ADAM2: variants seen among roughly 807,000 people sequenced by gnomAD.
The protein encoded by ADAM2 is ADAM metallopeptidase domain 2, also known as disintegrin and metalloproteinase domain-containing protein 2.
ADAM2 carries 101 observed loss-of-function variants against 99.3 expected under a neutral mutation model. The ratio of observed to expected loss-of-function variants is 1.02; its 90% confidence interval spans 0.87 to 1.20. The LOEUF is 1.20. Ranked by LOEUF, ADAM2 falls within the 50% of genes most tolerant of loss-of-function variation. The probability of loss-of-function intolerance (pLI) is 0.00; values close to 1 mark genes in which losing one functional copy is unlikely to be tolerated. For missense variants in ADAM2, 948 were observed against 878.7 expected, an observed-to-expected ratio of 1.08 and a Z score of -1.00; for synonymous variants, 323 against 287.6, an observed-to-expected ratio of 1.12 and a Z score of -1.25.
intron 7 of ADAM2, among the ~76,000 whole-genome samples, chr8:39,803,046 G>T (rs754121677): frequency 1.3e-5 from 2 of 152,070 alleles, no homozygotes; most frequent in Admixed American, 6.6e-5. Flanking sequence ...CCACACAACA[G>T]TTGATCTAAT....
Position 39,777,024 on chromosome 8 carries a change from C to G in ADAM2, c.1028+1G>C. On this transcript the variant is annotated splice_donor_variant, in intron 11 of 20. Coordinates refer to ENST00000265708, the MANE Select transcript of ADAM2 (RefSeq NM_001464.5). LOFTEE classifies it high-confidence loss of function. ...TAAAGTATAAAAGTCAGAAATCTTA[C>G]ATTGCTTCTGGATTCATAATGCAGA... is the stretch of plus-strand genomic sequence containing the variant. 2 of 1,554,238 alleles carry G rather than the reference C, an allele frequency of 1.3e-6. No individual in the cohort carries two copies. Among genetic ancestry groups the G allele is most frequent in the Non-Finnish European group, 1.8e-6 (2 of 1,128,854 alleles).
At chr8:39,783,775 C>A (rs1034866782) in intron 10 of ADAM2, among the ~76,000 whole-genome samples, 10 of 151,636 alleles carry the variant, frequency 6.6e-5, no homozygotes, top group Non-Finnish European at 1.0e-4. Context: ...CATGGTGAAA[C>A]CCCCATCTCT....
Position 39,777,139 on chromosome 8 carries a change from T to C in ADAM2, c.914A>G (p.Glu305Gly). 1 of 1,611,670 alleles carries C rather than the reference T, an allele frequency of 6.2e-7. No homozygotes were observed. The highest frequency in any genetic ancestry group is 1.1e-5 in the South Asian group (1 of 90,854). The change falls in exon 11 of 21, where the codon GAA (glutamate) becomes GGA (glycine). Residue 305 changes from glutamate (E) to glycine (G), a missense_variant. Transcript: ENST00000265708. ...VVLHPRTISL[E>G]SLAVILAQLL... ...TTGAGCTAAAATAACTGCAAGTGAT[T>C]CCAGACTTATGGTTCTGGGGTGCTG...
At chr8:39,816,096 G>C (rs758146737) in intron 6 of ADAM2, among the ~76,000 whole-genome samples, 3 of 152,092 alleles carry the variant, frequency 2.0e-5, no homozygotes, top group Non-Finnish European at 4.4e-5. Context: ...AGGAGTTCAA[G>C]ACCAGCCTGG....
chr8:39,755,097 T>C (rs1802096449), intron 16 of ADAM2, among the ~76,000 whole-genome samples: 1 of 152,222 alleles, frequency 6.6e-6, no homozygotes, highest in African/African-American at 2.4e-5. Context: ...TTAATGGCTA[T>C]TTTAAAATGA....
Position 39,767,243 on chromosome 8 carries a change from G to A in ADAM2, c.1221C>T (p.Ala407=), listed in dbSNP as rs1450775578. The part of the protein sequence containing the change: ...ECDCGTEQDC[A]LIGETCCDIA... ...TATCACAGCATGTTTCTCCAATAAGGGCACAATCCTGTAAGGCAAATCAAA... is the reference window on the plus strand; with the variant it reads ...TATCACAGCATGTTTCTCCAATAAGAGCACAATCCTGTAAGGCAAATCAAA... Residue 407 remains alanine, a synonymous_variant, in exon 13 of 21, where the codon GCC becomes GCT. Transcript: ENST00000265708. 1 of 1,605,268 alleles carries A rather than the reference G, an allele frequency of 6.2e-7. No individual in the cohort carries two copies. The highest frequency in any genetic ancestry group is 1.8e-5 in the Admixed American group (1 of 57,046).
At chr8:39,796,168 T>G (rs1803932547) in intron 7 of ADAM2, among the ~76,000 whole-genome samples, 1 of 151,938 alleles carries the variant, frequency 6.6e-6, no homozygotes, top group Non-Finnish European at 1.5e-5. Context: ...ACCTATTGAC[T>G]CATCCTCTAA....
At chr8:39,761,344 T>C (rs775346072) in intron 14 of ADAM2, 63 bp from the exon 15 acceptor site, 1 of 928,372 alleles carries the variant, frequency 1.1e-6, no homozygotes, top group Non-Finnish European at 1.6e-6. Flanking sequence ...AAATAACAAA[T>C]ACACTTAAAA....
At chr8:39,794,256 T>C (rs1385522550) in intron 7 of ADAM2, among the ~76,000 whole-genome samples, 9 of 152,158 alleles carry the variant, frequency 5.9e-5, no homozygotes, top group Non-Finnish European at 8.8e-5. Context: ...TTGCCAACAT[T>C]AATATATGTT....
intron 1 of ADAM2, 59 bp from the exon 2 acceptor site, chr8:39,837,271 A>G (rs1805867711): frequency 7.9e-7 from 1 of 1,267,258 alleles, no homozygotes. Context: ...AGCGTGTTTT[A>G]TGAGTTTTTC....
rs1425659953 is a variant in ADAM2 at position 39,744,008 on chromosome 8, C to A, written c.*87G>T. On this transcript the variant is annotated 3_prime_UTR_variant, in exon 21 of 21. Transcript: ENST00000265708. ...GAATCCCAGGAAACCAGGTAATGTA[C>A]ATTCTTTTCTTTCCATTTTTTTGTG... The A allele has an allele frequency of 6.6e-6, 1 of 151,960 alleles. No individual in the cohort carries two copies. The highest frequency in any genetic ancestry group is 1.9e-4 in the East Asian group (1 of 5,194). 9.4% of individuals were successfully genotyped at this position (151,960 alleles called of 1,614,324 possible).
chr8:39,775,731 A>T (rs915120693), intron 11 of ADAM2, among the ~76,000 whole-genome samples: 2 of 152,070 alleles, frequency 1.3e-5, no homozygotes, highest in Non-Finnish European at 2.9e-5. Flanking sequence ...TGACATGAAG[A>T]TCTGGGATCC....
At chr8:39,784,222 CA>C (rs759023294) in intron 10 of ADAM2, among the ~76,000 whole-genome samples, 5 of 152,156 alleles carry the variant, frequency 3.3e-5, no homozygotes, top group Non-Finnish European at 5.9e-5. Flanking sequence ...AGTGAAAGGG[CA>C]GGCAAAATAA....
At chr8:39,819,627 T>G (rs1805096080) in intron 6 of ADAM2, among the ~76,000 whole-genome samples, 1 of 152,146 alleles carries the variant, frequency 6.6e-6, no homozygotes, top group African/African-American at 2.4e-5. Flanking sequence ...GTTAAAGCCG[T>G]TTTTAGAAAA....
At chr8:39,767,119 T>C (rs1404517405) in intron 13 of ADAM2, 34 bp downstream of exon 13, 9 of 1,597,230 alleles carry the variant, frequency 5.6e-6, no homozygotes, top group Non-Finnish European at 6.0e-6. Context: ...ACTACTTATG[T>C]AGGTAATATT....
At chr8:39,752,120 G>A (rs1203701952) in intron 16 of ADAM2, among the ~76,000 whole-genome samples, 1 of 152,136 alleles carries the variant, frequency 6.6e-6, no homozygotes, top group Non-Finnish European at 1.5e-5. Context: ...GTGAAACAGT[G>A]TGATTTTACA....
intron 7 of ADAM2, among the ~76,000 whole-genome samples, chr8:39,803,480 G>A (rs1804300874): frequency 6.6e-6 from 1 of 152,134 alleles, no homozygotes; most frequent in African/African-American, 2.4e-5. Flanking sequence ...TCCCGTACAA[G>A]CAGAGTGATC....
At chr8:39,797,781 G>A (rs1489685860) in intron 7 of ADAM2, among the ~76,000 whole-genome samples, 1 of 151,916 alleles carries the variant, frequency 6.6e-6, no homozygotes, top group Non-Finnish European at 1.5e-5. Context: ...GTATTCCTAG[G>A]TATTTTATTT....
intron 4 of ADAM2, 143 bp from the exon 5 acceptor site, chr8:39,821,805 G>A (rs558454435): frequency 5.2e-6 from 3 of 576,064 alleles, no homozygotes; most frequent in Non-Finnish European, 9.1e-6. Flanking sequence ...TATTAGATGA[G>A]CATATGGCTT....
Sources: allele counts gnomAD v4.1 joint callset (sites outside exome capture counted in the v4.1 genomes callset), GRCh38; gene constraint gnomAD v4.1.1; transcripts MANE v1.5; gene names NCBI Gene and HGNC (gene_info 2026-07-23, HGNC 2026-07-21).